Variants in RYR1 observed in about 807,000 individuals in gnomAD.
The protein encoded by RYR1 is central core disease of muscle.
Under a neutral mutation model 583.5 loss-of-function variants are expected in RYR1, and 342 were observed. That is an observed-to-expected ratio of 0.59 (90% CI 0.54 to 0.64). The LOEUF is 0.64. RYR1 is among the 30% of genes least tolerant of loss of function. The pLI, the probability that RYR1 is intolerant of heterozygous loss-of-function variation, is 0.00. For missense variants in RYR1, 6,032 were observed against 6,917.2 expected (o/e 0.87, Z 4.54); for synonymous variants, 2,791 against 2,822.5 (o/e 0.99, Z 0.35).
At chr19:38,490,770 C>G in intron 37 of RYR1, 38 bp downstream of exon 37, 1 of 1,361,310 alleles carries the variant, frequency 7.3e-7, no homozygotes, top group Non-Finnish European at 1.1e-6. Flanking sequence ...CCCATGCTAA[C>G]TTTCTCTCGA....
intron 7 of RYR1, among the ~76,000 whole-genome samples, chr19:38,445,575 C>T (rs1331493897): frequency 6.6e-6 from 1 of 152,118 alleles, no homozygotes; most frequent in African/African-American, 2.4e-5. Flanking sequence ...AACTCAGACT[C>T]ATCAACTTCT....
chr19:38,522,320 G>C (rs576996932), intron 67 of RYR1, among the ~76,000 whole-genome samples: 1 of 152,234 alleles, frequency 6.6e-6, no homozygotes, highest in East Asian at 1.9e-4. Context: ...GGAATAGTCA[G>C]GCCAGGGAAG....
chr19:38,474,274 CTT>C (rs565024935), intron 28 of RYR1, among the ~76,000 whole-genome samples: 1 of 147,318 alleles, frequency 6.8e-6, no homozygotes, highest in Non-Finnish European at 1.5e-5. Context: ...TTCTTTCTAT[CTT>C]TTTTTTTTTG....
intron 54 of RYR1, 134 bp from the exon 55 acceptor site, chr19:38,506,169 A>C (rs1479490684): frequency 9.3e-7 from 1 of 1,080,866 alleles, no homozygotes; most frequent in Non-Finnish European, 1.4e-6. Flanking sequence ...ACAGGGCCTT[A>C]AGGAAAGGAC....
At chr19:38,519,544 A>T (rs537450783) in intron 67 of RYR1, 90 bp downstream of exon 67, 10 of 1,434,604 alleles carry the variant, frequency 7.0e-6, no homozygotes, top group Non-Finnish European at 8.6e-6. Context: ...ACTGGCTAGA[A>T]ACTTCTTCCA....
At chr19:38,445,222 CAAAAAA>C (rs61419525) in intron 7 of RYR1, among the ~76,000 whole-genome samples, 36 of 48,186 alleles carry the variant, frequency 7.5e-4, no homozygotes, top group African/African-American at 1.5e-3. Flanking sequence ...GACTCTGCCT[CAAAAAA>C]AAAAAAAAAA....
At chr19:38,502,203 G>A (rs1299177583) in intron 47 of RYR1, among the ~76,000 whole-genome samples, 1 of 152,080 alleles carries the variant, frequency 6.6e-6, no homozygotes, top group African/African-American at 2.4e-5. Flanking sequence ...GGGTTAGAGA[G>A]GAGATAAGCG....
At chr19:38,546,869 C>G (rs369667492) in intron 88 of RYR1, among the ~76,000 whole-genome samples, 206 of 146,814 alleles carry the variant, frequency 1.4e-3, no homozygotes, top group Non-Finnish European at 2.5e-3. Context: ...GGAGGATCAC[C>G]AGAGCCCGGG....
At position 38,446,711 on chromosome 19, in the gene RYR1, G is replaced by T; in HGVS notation, c.743G>T (p.Gly248Val). 1 of 1,613,978 alleles carries T rather than the reference G, an allele frequency of 6.2e-7. No homozygotes were observed. Residue 248 changes from glycine (G) to valine (V), a missense_variant, in exon 9 of 106, where the codon GGG becomes GTG. Gly to Val is a moderately radical substitution (Grantham distance 109). Transcript: ENST00000359596. The stretch of plus-strand genomic sequence containing the variant: ...GTCCCCAGACTTGTCTACTATGAGG[G>T]GGGAGCTGTGTGCACTCATGCCCGC... ...DDQRRLVYYE[G>V]GAVCTHARSL...
intron 84 of RYR1, among the ~76,000 whole-genome samples, chr19:38,540,884 A>T (rs1972160831): frequency 7.4e-6 from 1 of 134,916 alleles, no homozygotes; most frequent in Non-Finnish European, 1.6e-5. Context: ...CCAATCATAT[A>T]CTACAGTGTA....
chr19:38,503,604 C>G (rs1970302696), intron 49 of RYR1, among the ~76,000 whole-genome samples: 1 of 152,060 alleles, frequency 6.6e-6, no homozygotes, highest in Admixed American at 6.5e-5. Context: ...GAAACCCCAT[C>G]TCTACTAAAA....
At chr19:38,518,795 GGCAGAC>G (rs1199082216) in intron 66 of RYR1, among the ~76,000 whole-genome samples, 1 of 152,162 alleles carries the variant, frequency 6.6e-6, no homozygotes, top group East Asian at 1.9e-4. Flanking sequence ...TGGGTGTGGT[GGCAGAC>G]GCCTGTAATC....
intron 101 of RYR1, among the ~76,000 whole-genome samples, chr19:38,582,512 G>A (rs542870262): frequency 2.6e-5 from 4 of 151,678 alleles, no homozygotes; most frequent in East Asian, 1.9e-4. Flanking sequence ...CAGGCCGGGC[G>A]CAGTGACTCA....
At position 38,561,497 on chromosome 19, in the gene RYR1, C is replaced by T. The variant is rs757625876; in HGVS notation, c.12624+43C>T. 3.2e-6 allele frequency: 5 copies of T among 1,559,800 alleles called. No homozygotes were observed. Among genetic ancestry groups the T allele is most frequent in the East Asian group, 4.5e-5 (2 of 44,402 alleles). ...CGTGCAAGCTCGCCTCCTGGGGCTT[C>T]GGGCATGCGGGTGCTCACTTCCTGC... On this transcript the variant is annotated intron_variant, in intron 90 of 105. Coordinates refer to ENST00000359596, the MANE Select transcript of RYR1 (RefSeq NM_000540.3). The surrounding 1 kb of genome is among the most constrained non-coding windows in gnomAD (Gnocchi z 4.8).
chr19:38,458,617 T>TATTTA (rs1248517298), intron 18 of RYR1, among the ~76,000 whole-genome samples: 1 of 149,128 alleles, frequency 6.7e-6, no homozygotes, highest in Non-Finnish European at 1.5e-5. Flanking sequence ...TTATTTTGTT[T>TATTTA]GTTTGTTTGT....
Position 38,565,143 on chromosome 19 carries a change from CGGGCGCGGAAGGCGCGGAGGA to C in RYR1, c.12818_12838del (p.Glu4273_Ala4279del), listed in dbSNP as rs1973335544. On this transcript the variant is annotated inframe_deletion, in exon 91 of 106. Coordinates refer to ENST00000359596, the MANE Select transcript of RYR1 (RefSeq NM_000540.3). This position sits in a 1 kb window ranked among gnomAD's most constrained non-coding sequence, Gnocchi z 4.7. ...GACGAGGGCGCGGGCGCGGCGGAGG[CGGGCGCGGAAGGCGCGGAGGA>C]GGGCGCGGCGGGGCTCGAGGGCACG... 7 of 1,521,392 alleles carry C rather than the reference CGGGCGCGGAAGGCGCGGAGGA, an allele frequency of 4.6e-6. No individual in the cohort carries two copies. The highest frequency in any genetic ancestry group is 1.2e-5 in the South Asian group (1 of 83,556). 94.2% of individuals were successfully genotyped at this position (1,521,392 alleles called of 1,614,324 possible). A position where few individuals can be genotyped will look rare whatever the true frequency, so the allele number is the denominator to read the frequency against.
In RYR1 at chr19:38,585,973, C is replaced by G; in HGVS notation, c.14839C>G (p.Gln4947Glu). The change falls in exon 103 of 106, where the codon CAA becomes GAA. Residue 4947 changes from glutamine to glutamate, a missense_variant. Transcript: ENST00000359596. ...IIDAFGELRD[Q>E]QEQVKEDMET... The stretch of plus-strand genomic sequence containing the variant: ...CGACGCTTTTGGTGAGCTCCGAGAC[C>G]AACAAGAGCAAGTGAAGGAGGATAT... The G allele has an allele frequency of 1.2e-6, 2 of 1,613,834 alleles. No homozygotes were observed. Among genetic ancestry groups the G allele is most frequent in the Non-Finnish European group, 1.7e-6 (2 of 1,179,966 alleles).
chr19:38,492,533 C>A lies in RYR1; in HGVS notation c.6171C>A (p.Thr2057=), dbSNP rs1197775066. The A allele has an allele frequency of 6.2e-7, 1 of 1,614,042 alleles. No individual in the cohort carries two copies. The highest frequency in any genetic ancestry group is 2.2e-5 in the East Asian group (1 of 44,880). The change falls in exon 38 of 106, where the codon ACC becomes ACA. Residue 2057 remains threonine, a synonymous_variant. Transcript: ENST00000359596. The part of the protein sequence containing the change: ...DGEEEEPEEE[T]TLGSRLMSLL... ...AGGAGGAGGAACCAGAGGAAGAGAC[C>A]ACCCTGGGCAGCCGCCTCATGAGCC...
intron 93 of RYR1, among the ~76,000 whole-genome samples, chr19:38,568,782 G>A (rs915994391): frequency 1.4e-5 from 2 of 147,672 alleles, no homozygotes; most frequent in African/African-American, 5.0e-5. Flanking sequence ...GCGGGGGGGC[G>A]GTGAGGGAAT....
Sources: allele counts gnomAD v4.1 joint callset (sites outside exome capture counted in the v4.1 genomes callset), GRCh38; gene constraint gnomAD v4.1.1; non-coding constraint Gnocchi (gnomAD v3.1); transcripts MANE v1.5; gene names NCBI Gene and HGNC (gene_info 2026-07-23, HGNC 2026-07-21).